The following RANBP2 variants were observed in gnomAD, a reference collection of about 807,000 sequenced individuals.
The protein encoded by RANBP2 is E3 SUMO-protein ligase RanBP2.
Under a neutral mutation model 303.6 loss-of-function variants are expected in RANBP2, and 57 were observed. The observed-to-expected ratio is 0.19, with a 90% CI of 0.15 to 0.23. The LOEUF (loss-of-function observed/expected upper bound fraction) is 0.23. RANBP2 is among the 10% of genes least tolerant of loss of function. The pLI, the probability that RANBP2 is intolerant of heterozygous loss-of-function variation, is 1.00. For synonymous variants in RANBP2, 1,167 were observed against 1,301.5 expected, an observed-to-expected ratio of 0.90 and a Z score of 2.23; for missense variants, 3,138 against 3,780.8, an observed-to-expected ratio of 0.83 and a Z score of 4.46.
At chr2:109,199,215 C>G in the RANBP2 span, among the ~76,000 whole-genome samples, 2 of 150,236 alleles carry the variant, frequency 1.3e-5, no homozygotes, top group Admixed American at 1.3e-4. Context: ...AAAAATTAGC[C>G]AGGCGTGGTG....
At chr2:109,604,596 G>A in the RANBP2 span, among the ~76,000 whole-genome samples, 9 of 151,438 alleles carry the variant, frequency 5.9e-5, no homozygotes, top group South Asian at 2.1e-4. Flanking sequence ...GCATGGTGGC[G>A]GGTGCCTGTA....
chr2:109,613,973 G>C, the RANBP2 span: 41 of 1,202,030 alleles, frequency 3.4e-5, no homozygotes, highest in Middle Eastern at 9.9e-4. Context: ...AGGGACAGGG[G>C]CGGGGCCGAG....
the RANBP2 span, among the ~76,000 whole-genome samples, chr2:109,508,297 T>C: frequency 6.6e-6 from 1 of 152,096 alleles, no homozygotes; most frequent in Non-Finnish European, 1.5e-5. Context: ...GCGCCTGAGG[T>C]GTCAGCCCTG....
At chr2:109,280,549 T>C in the RANBP2 span, among the ~76,000 whole-genome samples, 105,567 of 152,108 alleles carry the variant, frequency 0.69, 36,861 homozygotes, top group East Asian at 0.9. Context: ...TAGCAGTCAT[T>C]GAAATATGGG....
chr2:109,326,447 A>T, the RANBP2 span, among the ~76,000 whole-genome samples: 1 of 152,278 alleles, frequency 6.6e-6, no homozygotes, highest in African/African-American at 2.4e-5. Context: ...ATCAGGCAGC[A>T]CTTTGCACTC....
the RANBP2 span, among the ~76,000 whole-genome samples, chr2:109,080,615 C>A: frequency 2.0e-5 from 3 of 152,074 alleles, no homozygotes; most frequent in Non-Finnish European, 2.9e-5. Context: ...ATTCTTTTCC[C>A]CTGGAGATAG....
chr2:108,911,276 C>T, the RANBP2 span, among the ~76,000 whole-genome samples: 4 of 152,128 alleles, frequency 2.6e-5, no homozygotes, highest in South Asian at 2.1e-4. Context: ...CAGCCCTGCT[C>T]GCTGCCCTCA....
At chr2:109,246,358 A>AG in the RANBP2 span, among the ~76,000 whole-genome samples, 1 of 152,166 alleles carries the variant, frequency 6.6e-6, no homozygotes, top group East Asian at 1.9e-4. Flanking sequence ...CCCATGGTAG[A>AG]GGGGGCAAGG....
chr2:108,953,748 A>C, the RANBP2 span, among the ~76,000 whole-genome samples: 4 of 152,160 alleles, frequency 2.6e-5, no homozygotes, highest in African/African-American at 9.7e-5. Context: ...GGAAACAATA[A>C]AGAAGCACCA....
the RANBP2 span, among the ~76,000 whole-genome samples, chr2:109,274,544 T>C: frequency 2.6e-5 from 4 of 152,224 alleles, no homozygotes; most frequent in African/African-American, 9.7e-5. Flanking sequence ...AGGTCACATA[T>C]TGTATGATTT....
the RANBP2 span, among the ~76,000 whole-genome samples, chr2:109,679,418 A>G: frequency 1.3e-5 from 2 of 152,340 alleles, no homozygotes; most frequent in Admixed American, 6.5e-5. Context: ...GTGGATCACT[A>G]TATTATGTAT....
chr2:109,162,869 A>G, the RANBP2 span, among the ~76,000 whole-genome samples: 1 of 92,642 alleles, frequency 1.1e-5, no homozygotes, highest in Non-Finnish European at 2.3e-5. Context: ...GCAGGGTTAG[A>G]GATGATTACC....
At chr2:109,429,965 A>G in the RANBP2 span, among the ~76,000 whole-genome samples, 3 of 152,162 alleles carry the variant, frequency 2.0e-5, no homozygotes, top group African/African-American at 7.2e-5. Context: ...CAAGGCCTCC[A>G]CAGAGCACAG....
At position 108,750,434 on chromosome 2, in the gene RANBP2, G is replaced by T. The variant is rs183486792; in HGVS notation, c.1274-830G>T. 3.2e-3 allele frequency among the ~76,000 whole-genome samples: 482 copies of T among 152,282 alleles called. 4 individuals are homozygous for T. Among genetic ancestry groups the T allele is most frequent in the African/African-American group, 0.011 (468 of 41,542 alleles). ...TCAACAAAAAGTGTCTTCATTGCAA[G>T]TTATTTCCATAGAGATACCTAAAAA... On this transcript the variant is annotated intron_variant, in intron 9 of 28. Coordinates refer to ENST00000283195, the MANE Select transcript of RANBP2 (RefSeq NM_006267.5).
chr2:108,918,521 G>A, the RANBP2 span, among the ~76,000 whole-genome samples: 1 of 152,150 alleles, frequency 6.6e-6, no homozygotes, highest in African/African-American at 2.4e-5. Context: ...GATAAAAGCT[G>A]GTATGAACTG....
At chr2:109,646,945 G>A in the RANBP2 span, among the ~76,000 whole-genome samples, 1 of 151,990 alleles carries the variant, frequency 6.6e-6, no homozygotes, top group Admixed American at 6.6e-5. Flanking sequence ...TAATAAACTT[G>A]TTTTTCAAAT....
the RANBP2 span, among the ~76,000 whole-genome samples, chr2:109,300,336 T>C: frequency 3.3e-5 from 5 of 152,104 alleles, no homozygotes; most frequent in African/African-American, 1.2e-4. Flanking sequence ...CACGCCACCA[T>C]GTCTGGCTAA....
chr2:109,741,386 G>C, the RANBP2 span, among the ~76,000 whole-genome samples: 1 of 152,132 alleles, frequency 6.6e-6, no homozygotes, highest in Non-Finnish European at 1.5e-5. Context: ...ATCAGGATTA[G>C]GGGAGAACAT....
At chr2:108,822,314 A>G in the RANBP2 span, among the ~76,000 whole-genome samples, 2 of 152,214 alleles carry the variant, frequency 1.3e-5, no homozygotes, top group African/African-American at 4.8e-5. Flanking sequence ...TATAAAGCAA[A>G]CATTGACAGA....
Sources: allele counts gnomAD v4.1 joint callset (sites outside exome capture counted in the v4.1 genomes callset), GRCh38; gene constraint gnomAD v4.1.1; transcripts MANE v1.5; gene names NCBI Gene and HGNC (gene_info 2026-07-23, HGNC 2026-07-21).